Variants in RTEL1 observed in about 807,000 individuals in gnomAD.
The protein encoded by RTEL1 is regulator of telomere length.
A neutral mutation model predicts 162.2 loss-of-function variants in RTEL1; 86 were observed. That is an observed-to-expected ratio of 0.53 (90% CI 0.45 to 0.63). RTEL1 has a LOEUF of 0.63. RTEL1 is among the 30% of genes least tolerant of loss of function. The pLI is 0.00. For synonymous variants in RTEL1, 958 were observed against 717.9 expected, an observed-to-expected ratio of 1.33 and a Z score of -5.35; for missense variants, 1,941 against 1,750.2, an observed-to-expected ratio of 1.11 and a Z score of -1.95.
intron 4 of RTEL1, chr20:63,662,310 G>A (rs1428574542): frequency 9.5e-6 from 7 of 735,210 alleles, no homozygotes; most frequent in African/African-American, 3.5e-5. Context: ...GTGTTCTGTC[G>A]GGTTCCTGTG....
chr20:63,680,577 T>C (rs1392100002), intron 13 of RTEL1, 87 bp from the exon 14 acceptor site: 2 of 1,433,256 alleles, frequency 1.4e-6, no homozygotes, highest in East Asian at 2.3e-5. Flanking sequence ...GCAGTCGGGC[T>C]GAGCGGGCTC....
Position 63,678,137 on chromosome 20 carries a change from T to C in RTEL1, c.920-8T>C. On this transcript the variant is annotated splice_polypyrimidine_tract_variant and splice_region_variant and intron_variant, in intron 10 of 34. Coordinates refer to ENST00000360203, the MANE Select transcript of RTEL1 (RefSeq NM_001283009.2). ...GCAGACTGCCTTTGCTGCCTTTCTC[T>C]TGCCCAGGGCTGAACATGGAGCTGG... 1.2e-6 allele frequency: 2 copies of C among 1,614,192 alleles called. 1 individual carries two copies. The highest frequency in any genetic ancestry group is 2.2e-5 in the South Asian group (2 of 91,080).
intron 9 of RTEL1, among the ~76,000 whole-genome samples, chr20:63,673,271 A>G (rs2090282609): frequency 6.6e-6 from 1 of 150,424 alleles, no homozygotes; most frequent in Non-Finnish European, 1.5e-5. Flanking sequence ...GCGTGTGCCT[A>G]TAGTCCCAGC....
At chr20:63,688,710 G>C in intron 21 of RTEL1, 105 bp downstream of exon 21, 1 of 1,020,950 alleles carries the variant, frequency 9.8e-7, no homozygotes, top group South Asian at 1.5e-5. Context: ...GGCTCCGGCG[G>C]CTCCCGCTGC....
chr20:63,689,757 C>T lies in RTEL1; in HGVS notation c.2033C>T (p.Ser678Phe). ...AGCCGCCTCGCCCCACAGTTCCTCT[C>T]TGGGCAGGAGTGGTACCGGCAGCAG... The part of the protein sequence containing the change: ...GQGGAGGQFL[S>F]GQEWYRQQAS... Residue 678 changes from serine (S) to phenylalanine (F), a missense_variant, in exon 24 of 35, where the codon TCT becomes TTT. Physicochemically the swap from Ser to Phe is radical, Grantham distance 155. Transcript: ENST00000360203. The T allele has an allele frequency of 6.2e-7, 1 of 1,611,976 alleles. No homozygotes were observed. Among genetic ancestry groups the T allele is most frequent in the Non-Finnish European group, 8.5e-7 (1 of 1,179,554 alleles).
chr20:63,675,761 C>T (rs1304741014), intron 10 of RTEL1, among the ~76,000 whole-genome samples: 1 of 152,192 alleles, frequency 6.6e-6, no homozygotes, highest in Non-Finnish European at 1.5e-5. Context: ...TCTCCACAGT[C>T]CCCCAACCCC....
intron 30 of RTEL1, among the ~76,000 whole-genome samples, chr20:63,693,880 C>T (rs997431517): frequency 2.0e-5 from 3 of 150,450 alleles, no homozygotes; most frequent in South Asian, 2.1e-4. Flanking sequence ...CGTCCCCTGC[C>T]TCCCATGCAT....
At chr20:63,687,893 G>A (rs2090633275) in intron 17 of RTEL1, 44 bp from the exon 18 acceptor site, 2 of 1,604,630 alleles carry the variant, frequency 1.2e-6, no homozygotes, top group Non-Finnish European at 1.7e-6. Context: ...CTAAAGGGGT[G>A]CTGGTGCACT....
intron 13 of RTEL1, 61 bp from the exon 14 acceptor site, chr20:63,680,603 G>A: frequency 6.4e-7 from 1 of 1,573,970 alleles, no homozygotes; most frequent in Non-Finnish European, 8.7e-7. Context: ...GGAAGGGCCG[G>A]GGCTGGGGTC....
intron 29 of RTEL1, 58 bp downstream of exon 29, chr20:63,693,061 G>A (rs769246088): frequency 3.4e-5 from 55 of 1,609,698 alleles, no homozygotes; most frequent in African/African-American, 5.3e-5. Flanking sequence ...CGCGTGTGGG[G>A]TGGGGGCCAT....
intron 10 of RTEL1, among the ~76,000 whole-genome samples, chr20:63,674,848 C>CG (rs1569091506): frequency 6.6e-6 from 1 of 152,094 alleles, no homozygotes; most frequent in Non-Finnish European, 1.5e-5. Context: ...GCGCTAGTCA[C>CG]GGCATACGTG....
rs1249379741 is a variant in RTEL1 at position 63,668,612 on chromosome 20, C to A, written c.699+1059C>A. ...CAAGGGAAGAGGTGAGTGGGGGCGG[C>A]TGGGGGGCCGACTCCTGGGAAGCTG... On this transcript the variant is annotated intron_variant, in intron 8 of 34. Coordinates refer to ENST00000360203, the MANE Select transcript of RTEL1 (RefSeq NM_001283009.2). The surrounding 1 kb of genome is among the most constrained non-coding windows in gnomAD (Gnocchi z 4.3). Among the ~76,000 whole-genome samples the A allele has an allele frequency of 6.6e-6, 1 of 151,922 alleles. No homozygotes were observed. The highest frequency in any genetic ancestry group is 1.5e-5 in the Non-Finnish European group (1 of 67,970).
rs529481161 is a variant in RTEL1, at chr20:63,684,486, T to C, written c.1192-1037T>C. On this transcript the variant is annotated intron_variant, in intron 14 of 34. Transcript: ENST00000360203. ...CTCCTGCCTCAGCCTCCCAAATACC[T>C]GGGATTATAGGCACCTGCCACCACG... is the stretch of plus-strand genomic sequence containing the variant. Among the ~76,000 whole-genome samples, 3 of 152,234 alleles carry C rather than the reference T, an allele frequency of 2.0e-5. No homozygotes were observed. In the East Asian group the frequency reaches 5.8e-4, roughly 29 times the overall value.
At position 63,674,058 on chromosome 20, in the gene RTEL1, C is replaced by G. The variant is rs781117322; in HGVS notation, c.884C>G (p.Pro295Arg). The G allele has an allele frequency of 6.2e-6, 10 of 1,613,468 alleles. No individual in the cohort carries two copies. Among genetic ancestry groups the G allele is most frequent in the Non-Finnish European group, 7.6e-6 (9 of 1,179,890 alleles). ...EQTKAAQQGE[P>R]HPEFSADSPS... ...ACCAAGGCAGCGCAGCAGGGTGAGC[C>G]CCACCCGGAGTTCAGCGCGGACTCC... Residue 295 changes from proline to arginine, a missense_variant, in exon 10 of 35, where the codon CCC becomes CGC. Pro to Arg is a moderately radical substitution (Grantham distance 103). Coordinates refer to ENST00000360203, the MANE Select transcript of RTEL1 (RefSeq NM_001283009.2).
Position 63,690,297 on chromosome 20 carries a change from C to A in RTEL1, c.2269C>A (p.Pro757Thr), listed in dbSNP as rs1348818075. ...QFFRVAERTM[P>T]APAPRATAPS... Reference sequence around the variant, plus strand: ...ACCCACCCCCATGGTTCTGCAGATGCCAGCGCCGGCCCCCCGGGCTACAGC... The same window carrying A: ...ACCCACCCCCATGGTTCTGCAGATGACAGCGCCGGCCCCCCGGGCTACAGC... The change falls in exon 26 of 35, where the codon CCA becomes ACA. Residue 757 changes from proline (P) to threonine (T), a missense_variant. Physicochemically the swap from Pro to Thr is conservative, Grantham distance 38. Transcript: ENST00000360203. 11 of 1,604,794 alleles carry A rather than the reference C, an allele frequency of 6.9e-6. No individual in the cohort carries two copies. The highest frequency in any genetic ancestry group is 8.5e-6 in the Non-Finnish European group (10 of 1,174,124).
chr20:63,665,776 A>G (rs1282848552), intron 6 of RTEL1, among the ~76,000 whole-genome samples: 1 of 151,890 alleles, frequency 6.6e-6, no homozygotes, highest in Non-Finnish European at 1.5e-5. Context: ...TCCACCCTGA[A>G]CCTCAGGCCT....
intron 30 of RTEL1, among the ~76,000 whole-genome samples, 191 bp downstream of exon 30, chr20:63,693,474 T>TTCA (rs2090840381): frequency 1.2e-4 from 1 of 8,562 alleles, no homozygotes; most frequent in Admixed American, 1.3e-3. Context: ...CACCTCCACC[T>TTCA]CCACCTCCAC....
chr20:63,690,658 G>A (rs1180868751), intron 26 of RTEL1, 147 bp from the exon 27 acceptor site: 3 of 1,053,244 alleles, frequency 2.8e-6, no homozygotes, highest in Admixed American at 2.9e-5. Context: ...TGCCCCCCGA[G>A]GCTGAGACTC....
intron 30 of RTEL1, among the ~76,000 whole-genome samples, chr20:63,693,699 A>ACCACCACCT (rs1568721541): frequency 6.1e-5 from 1 of 16,466 alleles, no homozygotes; most frequent in Non-Finnish European, 1.3e-4. Flanking sequence ...CACCACCACC[A>ACCACCACCT]CCACCTCCAC....
Sources: allele counts gnomAD v4.1 joint callset (sites outside exome capture counted in the v4.1 genomes callset), GRCh38; gene constraint gnomAD v4.1.1; non-coding constraint Gnocchi (gnomAD v3.1); transcripts MANE v1.5; gene names NCBI Gene and HGNC (gene_info 2026-07-23, HGNC 2026-07-21).